The following MYH15 variants were observed in gnomAD, a reference collection of about 807,000 sequenced individuals.
MYH15 encodes myosin heavy chain 15.
In MYH15, 227 loss-of-function variants were observed where a neutral mutation model predicts 240.5. The observed-to-expected ratio is 0.94, with a 90% confidence interval of 0.85 to 1.05. MYH15 has a LOEUF of 1.05. MYH15 is among the 50% of genes least tolerant of loss of function. The pLI is 0.00. For missense variants in MYH15, 2,217 were observed against 2,247.5 expected (o/e 0.99, Z 0.27); for synonymous variants, 785 against 796.7 (o/e 0.99, Z 0.25).
intron 21 of MYH15, among the ~76,000 whole-genome samples, chr3:108,445,372 T>G (rs2082918535): frequency 6.6e-6 from 1 of 151,934 alleles, no homozygotes; most frequent in Non-Finnish European, 1.5e-5. Flanking sequence ...AAGAGAGATA[T>G]CAAATTAAAG....
chr3:108,432,100 C>T (rs2107562515), intron 25 of MYH15, among the ~76,000 whole-genome samples: 1 of 152,222 alleles, frequency 6.6e-6, no homozygotes, highest in East Asian at 1.9e-4. Context: ...GCTCTGTCAC[C>T]CAGGCTGGAT....
At chr3:108,449,637 G>A (rs1384637289) in intron 21 of MYH15, among the ~76,000 whole-genome samples, 1 of 151,870 alleles carries the variant, frequency 6.6e-6, no homozygotes, top group Non-Finnish European at 1.5e-5. Flanking sequence ...ATTACCAGAA[G>A]AACACTTGGG....
chr3:108,449,471 A>G (rs1288866705), intron 21 of MYH15, among the ~76,000 whole-genome samples: 1 of 152,092 alleles, frequency 6.6e-6, no homozygotes, highest in Non-Finnish European at 1.5e-5. Context: ...AAGTTGCCAA[A>G]AACACACAGT....
rs1019944859 is a variant in MYH15, at chr3:108,428,377, T to A, written c.3702+115A>T. On this transcript the variant is annotated intron_variant, in intron 27 of 40. Transcript: ENST00000693548. ...CCGTCCAAAGGACTATAGTCTTCAT[T>A]AGAAAATACACTGAGTCACTAAGCT... 11 of 1,267,380 alleles carry A rather than the reference T, an allele frequency of 8.7e-6. No individual in the cohort carries two copies. The Admixed American group carries it at 2.5e-4, about 28-fold the overall frequency. The allele number at this position is 1,267,380 out of a possible 1,614,324, so 78.5% of individuals were successfully genotyped here.
rs753511439 is a variant in MYH15, at chr3:108,398,754, A to G, written c.5016T>C (p.Leu1672=). 1 of 1,614,104 alleles carries G rather than the reference A, an allele frequency of 6.2e-7. No homozygotes were observed. The highest frequency in any genetic ancestry group is 8.5e-7 in the Non-Finnish European group (1 of 1,179,998). The change falls in exon 35 of 41, where the codon CTT becomes CTC. Residue 1672 remains leucine, a synonymous_variant. Coordinates refer to ENST00000693548, the MANE Select transcript of MYH15 (RefSeq NM_014981.3). The part of the protein sequence containing the change: ...QVAVAERRNS[L]LQSELEDLRS... ...TTAGATCCTCTAGTTCAGACTGAAGAAGAGAGTTGCGCCGCTCAGCCACAG... is the reference window on the plus strand; with the variant it reads ...TTAGATCCTCTAGTTCAGACTGAAGGAGAGAGTTGCGCCGCTCAGCCACAG...
upstream of MYH15, among the ~76,000 whole-genome samples, chr3:108,533,996 T>TA (rs1559680094): frequency 6.6e-6 from 1 of 152,202 alleles, no homozygotes; most frequent in East Asian, 1.9e-4. Flanking sequence ...AAGCATTTTT[T>TA]AAAAAATACT....
At chr3:108,441,711 C>T (rs972599941) in intron 22 of MYH15, among the ~76,000 whole-genome samples, 3 of 152,138 alleles carry the variant, frequency 2.0e-5, no homozygotes, top group African/African-American at 4.8e-5. Flanking sequence ...CATGGATGTA[C>T]GTGTTTAATA....
At chr3:108,522,239 A>G (rs2083625330) in intron 1 of MYH15, among the ~76,000 whole-genome samples, 2 of 152,034 alleles carry the variant, frequency 1.3e-5, no homozygotes, top group Admixed American at 6.6e-5. Context: ...AAATCCCAAG[A>G]AAGGGCATGA....
chr3:108,511,410 T>C (rs2083521883), upstream of MYH15, among the ~76,000 whole-genome samples: 1 of 152,122 alleles, frequency 6.6e-6, no homozygotes. Flanking sequence ...AATAAAGAAG[T>C]TCATTGGCTC....
chr3:108,506,855 A>C (rs2107246968), intron 1 of MYH15, among the ~76,000 whole-genome samples: 1 of 152,178 alleles, frequency 6.6e-6, no homozygotes, highest in Non-Finnish European at 1.5e-5. Context: ...ACATGGTGAA[A>C]CCCCATTTCT....
Position 108,427,669 on chromosome 3 carries a change from G to A in MYH15, c.3702+823C>T, listed in dbSNP as rs761722349. ...AGAGAGAGAGAGAAAGAGAGAGAGA[G>A]AGACTGTTTCTTTCTACTCAGTATG... On this transcript the variant is annotated intron_variant, in intron 27 of 40. Coordinates refer to ENST00000693548, the MANE Select transcript of MYH15 (RefSeq NM_014981.3). 5.5e-5 allele frequency among the ~76,000 whole-genome samples: 8 copies of A among 145,506 alleles called. No individual in the cohort carries two copies. The East Asian group carries it at 1.4e-3, about 25-fold the overall frequency.
intron 2 of MYH15, among the ~76,000 whole-genome samples, chr3:108,502,608 G>T (rs2083447098): frequency 6.6e-6 from 1 of 151,940 alleles, no homozygotes; most frequent in African/African-American, 2.4e-5. Flanking sequence ...TTAATATATT[G>T]ATTAATATGG....
At chr3:108,430,578 T>C (rs1484875261) in intron 26 of MYH15, among the ~76,000 whole-genome samples, 2 of 152,194 alleles carry the variant, frequency 1.3e-5, no homozygotes, top group African/African-American at 4.8e-5. Context: ...AAGTTTTGGA[T>C]TTTAGCACAA....
chr3:108,520,162 A>C (rs986548660), intron 1 of MYH15, among the ~76,000 whole-genome samples: 2 of 152,200 alleles, frequency 1.3e-5, no homozygotes, highest in African/African-American at 2.4e-5. Flanking sequence ...AGTTTTCAGT[A>C]TGATAAGTAA....
intron 1 of MYH15, among the ~76,000 whole-genome samples, 178 bp from the exon 2 acceptor site, chr3:108,506,007 A>G (rs1215420814): frequency 1.3e-5 from 2 of 152,220 alleles, no homozygotes; most frequent in African/African-American, 2.4e-5. Context: ...ACTCACTCAC[A>G]TAATGGCACT....
the MYH15 span, among the ~76,000 whole-genome samples, chr3:108,548,506 T>G: frequency 6.6e-6 from 1 of 152,150 alleles, no homozygotes; most frequent in Non-Finnish European, 1.5e-5. Flanking sequence ...TGGCTGCTTC[T>G]GTGCTGCAAT....
chr3:108,449,102 A>G (rs1454375126), intron 21 of MYH15, among the ~76,000 whole-genome samples: 1 of 152,018 alleles, frequency 6.6e-6, no homozygotes, highest in Non-Finnish European at 1.5e-5. Flanking sequence ...GAAGACACAA[A>G]CAAATGCAAA....
chr3:108,537,240 C>T, the MYH15 span, among the ~76,000 whole-genome samples: 1 of 152,116 alleles, frequency 6.6e-6, no homozygotes, highest in South Asian at 2.1e-4. Flanking sequence ...CATAGGGAGG[C>T]CTGTACAACC....
intron 36 of MYH15, among the ~76,000 whole-genome samples, chr3:108,392,240 T>C (rs1034627657): frequency 1.3e-5 from 2 of 152,334 alleles, no homozygotes; most frequent in Non-Finnish European, 2.9e-5. Context: ...AGCAATGGCT[T>C]TTAATTGAAT....
Sources: allele counts gnomAD v4.1 joint callset (sites outside exome capture counted in the v4.1 genomes callset), GRCh38; gene constraint gnomAD v4.1.1; transcripts MANE v1.5; gene names NCBI Gene and HGNC (gene_info 2026-07-23, HGNC 2026-07-21).